The following LHFPL3 variants were observed in gnomAD, a reference collection of about 807,000 sequenced individuals.
LHFPL3 encodes LHFPL tetraspan subfamily member 3 protein.
Under a neutral mutation model 19.3 loss-of-function variants are expected in LHFPL3, and 5 were observed. The observed-to-expected ratio is 0.26, with a 90% confidence interval of 0.14 to 0.54. The LOEUF (loss-of-function observed/expected upper bound fraction) is 0.54. LHFPL3 is among the 20% of genes least tolerant of loss of function. LHFPL3 has a pLI of 0.94. For synonymous variants in LHFPL3, 133 were observed against 126.2 expected, an observed-to-expected ratio of 1.05 and a Z score of -0.36; for missense variants, 249 against 307.4, an observed-to-expected ratio of 0.81 and a Z score of 1.42.
At chr7:104,808,245 T>C (rs1790403449) in intron 2 of LHFPL3, among the ~76,000 whole-genome samples, 1 of 152,256 alleles carries the variant, frequency 6.6e-6, no homozygotes, top group Non-Finnish European at 1.5e-5. Flanking sequence ...GCTAGCTATG[T>C]CAAAACACTG....
At position 104,617,270 on chromosome 7, in the gene LHFPL3, A is replaced by G. The variant is rs114984529; in HGVS notation, c.446-119405A>G. Among the ~76,000 whole-genome samples, 1,346 of 152,286 alleles carry G rather than the reference A, an allele frequency of 8.8e-3. 20 individuals are homozygous for G. The highest frequency in any genetic ancestry group is 0.031 in the African/African-American group (1,281 of 41,568). On this transcript the variant is annotated intron_variant, in intron 1 of 2. Transcript: ENST00000424859. The stretch of plus-strand genomic sequence containing the variant: ...GTGAAATAGACCTTATTAATAATAA[A>G]TTCAGAAATTTTCAAACTTTCTAGC...
intron 1 of LHFPL3, chr7:104,669,263 G>A: frequency 1.2e-6 from 2 of 1,614,048 alleles, no homozygotes; most frequent in Non-Finnish European, 8.5e-7. Flanking sequence ...CCTACAAGTG[G>A]TGGGGGAAAA....
intron 2 of LHFPL3, among the ~76,000 whole-genome samples, chr7:104,879,870 A>G (rs2116679801): frequency 2.0e-5 from 3 of 152,356 alleles, no homozygotes; most frequent in East Asian, 3.9e-4. Flanking sequence ...TAGCACTTTC[A>G]CAGCTAGACA....
intron 1 of LHFPL3, among the ~76,000 whole-genome samples, chr7:104,618,316 C>G (rs1791385613): frequency 6.6e-6 from 1 of 152,196 alleles, no homozygotes; most frequent in African/African-American, 2.4e-5. Flanking sequence ...ACCTTACACA[C>G]TGCTTACTAT....
intron 1 of LHFPL3, among the ~76,000 whole-genome samples, chr7:104,710,657 A>G (rs147047389): frequency 1.3e-5 from 2 of 152,314 alleles, no homozygotes; most frequent in Admixed American, 6.5e-5. Flanking sequence ...TTCATTTTCT[A>G]TAAAATGGGG....
intron 1 of LHFPL3, among the ~76,000 whole-genome samples, chr7:104,614,848 T>A (rs773233054): frequency 2.0e-5 from 3 of 151,592 alleles, no homozygotes; most frequent in Non-Finnish European, 4.4e-5. Context: ...CCTCCCAGAC[T>A]CAAGTGATCC....
At chr7:104,468,558 A>G (rs141373383) in intron 1 of LHFPL3, among the ~76,000 whole-genome samples, 1 of 152,192 alleles carries the variant, frequency 6.6e-6, no homozygotes, top group Non-Finnish European at 1.5e-5. Flanking sequence ...AGATGTGCAG[A>G]TCTGCTCTCA....
At chr7:104,838,562 C>A (rs1791140991) in intron 2 of LHFPL3, among the ~76,000 whole-genome samples, 1 of 152,146 alleles carries the variant, frequency 6.6e-6, no homozygotes, top group Non-Finnish European at 1.5e-5. Context: ...TTCATTGTAT[C>A]TTTTCCAGAA....
At chr7:104,552,059 T>C (rs1562932101) in intron 1 of LHFPL3, among the ~76,000 whole-genome samples, 2 of 152,210 alleles carry the variant, frequency 1.3e-5, no homozygotes, top group South Asian at 2.1e-4. Context: ...TTCATACTTA[T>C]AGCTACATGC....
chr7:104,412,371 C>T (rs1180738832), intron 1 of LHFPL3, among the ~76,000 whole-genome samples: 1 of 152,090 alleles, frequency 6.6e-6, no homozygotes, highest in Non-Finnish European at 1.5e-5. Context: ...CCCCATACCC[C>T]TTCCTTCTGT....
At chr7:104,770,369 G>A (rs1445709438) in intron 2 of LHFPL3, among the ~76,000 whole-genome samples, 15 of 152,110 alleles carry the variant, frequency 9.9e-5, no homozygotes. Context: ...AACAGAAACA[G>A]GTTCTATAAA....
intron 1 of LHFPL3, among the ~76,000 whole-genome samples, chr7:104,420,137 A>G (rs1045910756): frequency 2.0e-5 from 3 of 152,204 alleles, no homozygotes; most frequent in African/African-American, 7.2e-5. Context: ...CTAGTCCACA[A>G]CCAAAGCAGG....
intron 2 of LHFPL3, among the ~76,000 whole-genome samples, chr7:104,824,543 TTATA>T (rs1165787547): frequency 1.4e-4 from 10 of 73,796 alleles, no homozygotes; most frequent in African/African-American, 5.7e-4. Flanking sequence ...ATATATATAA[TTATA>T]TATAATATAT....
intron 2 of LHFPL3, among the ~76,000 whole-genome samples, chr7:104,771,619 C>A (rs4481520): frequency 0.033 from 4,989 of 151,858 alleles, 269 homozygotes; most frequent in African/African-American, 0.11. Flanking sequence ...GATTTTACAG[C>A]CCAATGAATA....
intron 2 of LHFPL3, among the ~76,000 whole-genome samples, chr7:104,752,035 C>T (rs1161057594): frequency 3.9e-5 from 6 of 152,072 alleles, no homozygotes; most frequent in African/African-American, 9.7e-5. Context: ...GAAGTTCAGC[C>T]GGCGGCCAGT....
At chr7:104,825,734 C>G (rs556414419) in intron 2 of LHFPL3, among the ~76,000 whole-genome samples, 1 of 152,076 alleles carries the variant, frequency 6.6e-6, no homozygotes, top group South Asian at 2.1e-4. Flanking sequence ...CATGTGGCTT[C>G]CATCCTCAAG....
At chr7:104,890,023 G>C (rs905314761) in intron 2 of LHFPL3, among the ~76,000 whole-genome samples, 2 of 152,156 alleles carry the variant, frequency 1.3e-5, no homozygotes, top group Non-Finnish European at 2.9e-5. Context: ...CATCTGGCAG[G>C]CTTGGTGGCT....
chr7:104,499,157 C>A (rs1287958118), intron 1 of LHFPL3, among the ~76,000 whole-genome samples: 1 of 152,112 alleles, frequency 6.6e-6, no homozygotes, highest in Non-Finnish European at 1.5e-5. Context: ...ATCTTAACTA[C>A]CTTATGAGGA....
At position 104,746,451 on chromosome 7, in the gene LHFPL3, C is replaced by G. The variant is rs149637304; in HGVS notation, c.682+9540C>G. On this transcript the variant is annotated intron_variant, in intron 2 of 2. Transcript: ENST00000424859. ...TGAGGACCAATGAAGTCACTTAACT[C>G]CCTTGTTTTACTGATGAAAAAGCCA... Among the ~76,000 whole-genome samples, 2 of 152,276 alleles carry G rather than the reference C, an allele frequency of 1.3e-5. 1 individual carries two copies. Among genetic ancestry groups the G allele is most frequent in the East Asian group, 3.9e-4 (2 of 5,188 alleles).
Sources: gnomAD v4.1 joint callset for allele counts (sites outside exome capture counted in the v4.1 genomes callset) on GRCh38, gnomAD v4.1.1 for gene constraint, MANE v1.5 for transcripts, NCBI Gene and HGNC (gene_info 2026-07-23, HGNC 2026-07-21) for gene names.